Variants in EEF2K observed in about 807,000 individuals in gnomAD.
EEF2K encodes the protein alternative protein EEF2K.
EEF2K carries 70 observed loss-of-function variants against 93.8 expected under a neutral mutation model. The ratio of observed to expected loss-of-function variants is 0.75; its 90% CI spans 0.62 to 0.91. The LOEUF (loss-of-function observed/expected upper bound fraction) is 0.91, where lower values mean the gene tolerates loss of function less well. Ranked by LOEUF, EEF2K falls within the 40% of genes least tolerant of loss-of-function variation. The pLI, the probability that EEF2K is intolerant of heterozygous loss-of-function variation, is 0.00. For synonymous variants in EEF2K, 376 were observed against 380.8 expected, an observed-to-expected ratio of 0.99 and a Z score of 0.15; for missense variants, 935 against 972.9, an observed-to-expected ratio of 0.96 and a Z score of 0.52.
chr16:22,240,677 G>A lies in EEF2K; in HGVS notation c.247-3953G>A, dbSNP rs951861721. Among the ~76,000 whole-genome samples, 7 of 152,334 alleles carry A rather than the reference G, an allele frequency of 4.6e-5. No individual in the cohort carries two copies. In the East Asian group the frequency reaches 1.2e-3, roughly 25 times the overall value. ...GTTACCCCAGCCAGTCTGCACATAT[G>A]ACATGGAAAGATGTCCAAGATCTTA... On this transcript the variant is annotated intron_variant, in intron 2 of 17. Coordinates refer to ENST00000263026, the MANE Select transcript of EEF2K (RefSeq NM_013302.5).
At chr16:22,208,568 C>T (rs1185959722) in intron 1 of EEF2K, among the ~76,000 whole-genome samples, 1 of 152,014 alleles carries the variant, frequency 6.6e-6, no homozygotes, top group East Asian at 1.9e-4. Context: ...TTTTCTTGTG[C>T]TTTTTGTAAC....
chr16:22,237,946 G>T (rs1037072952), intron 2 of EEF2K, among the ~76,000 whole-genome samples: 1 of 152,094 alleles, frequency 6.6e-6, no homozygotes. Context: ...GTATCATAGT[G>T]TTTGTATTGT....
At chr16:22,229,759 G>T (rs547712960) in intron 2 of EEF2K, among the ~76,000 whole-genome samples, 17 of 152,102 alleles carry the variant, frequency 1.1e-4, no homozygotes, top group Admixed American at 8.5e-4. Context: ...ACTGGTGGGG[G>T]TAAAAAATCA....
rs531814359 is a variant in EEF2K, at chr16:22,229,627, G to A, written c.246+3652G>A. Among the ~76,000 whole-genome samples the A allele has an allele frequency of 2.0e-5, 3 of 152,272 alleles. No individual in the cohort carries two copies. In the South Asian group the frequency reaches 6.2e-4, roughly 32 times the overall value. On this transcript the variant is annotated intron_variant, in intron 2 of 17. Transcript: ENST00000263026. ...GAAGCATGAGAATCACTTGAACCCA[G>A]GAGGCGGAGGTTGCAGTGAGCCAAG...
chr16:22,261,675 G>A (rs1427552659), intron 11 of EEF2K, among the ~76,000 whole-genome samples: 1 of 149,330 alleles, frequency 6.7e-6, no homozygotes, highest in Non-Finnish European at 1.5e-5. Context: ...GGGCGACAGA[G>A]CGAGACTCAG....
chr16:22,283,555 C>G (rs2047719135), intron 17 of EEF2K, among the ~76,000 whole-genome samples: 1 of 152,168 alleles, frequency 6.6e-6, no homozygotes, highest in Non-Finnish European at 1.5e-5. Context: ...AATTAGTTCT[C>G]AGCCTGATTC....
chr16:22,284,027 C>G lies in EEF2K; in HGVS notation c.*31C>G, dbSNP rs745999997. The G allele has an allele frequency of 6.5e-7, 1 of 1,534,048 alleles. No individual in the cohort carries two copies. The highest frequency in any genetic ancestry group is 1.4e-5 in the African/African-American group (1 of 72,790). ...AAAATCACTGCCGGCTAGTCCCAAG[C>G]AAACGGGCTAGGAGGAAAGATTAAA... On this transcript the variant is annotated 3_prime_UTR_variant, in exon 18 of 18. Transcript: ENST00000263026.
Position 22,244,646 on chromosome 16 carries a change from C to T in EEF2K, c.263C>T (p.Ala88Val), listed in dbSNP as rs2047266551. The T allele has an allele frequency of 6.2e-7, 1 of 1,613,990 alleles. No individual in the cohort carries two copies. Among genetic ancestry groups the T allele is most frequent in the Non-Finnish European group, 8.5e-7 (1 of 1,179,922 alleles). ...SFHFKEAWKHAIQKAKHMPDP... is the reference protein window; with the variant it reads ...SFHFKEAWKHVIQKAKHMPDP... ...CTTCCACAGGAAGCCTGGAAGCACG[C>T]AATCCAGAAGGCCAAGCACATGCCC... The change falls in exon 3 of 18, where the codon GCA (alanine) becomes GTA (valine). Residue 88 changes from alanine to valine, a missense_variant. Coordinates refer to ENST00000263026, the MANE Select transcript of EEF2K (RefSeq NM_013302.5).
chr16:22,212,517 G>T (rs2046924561), intron 1 of EEF2K, among the ~76,000 whole-genome samples: 1 of 151,920 alleles, frequency 6.6e-6, no homozygotes, highest in Non-Finnish European at 1.5e-5. Context: ...TAGAGATGGG[G>T]TTTTCACCAT....
At chr16:22,251,438 A>C in intron 6 of EEF2K, 116 bp downstream of exon 6, 1 of 1,279,648 alleles carries the variant, frequency 7.8e-7, no homozygotes, top group South Asian at 1.6e-5. Flanking sequence ...TTTTGAGATG[A>C]AGTCTTGCTC....
chr16:22,262,612 C>T (rs531175250), intron 11 of EEF2K, among the ~76,000 whole-genome samples: 1 of 152,292 alleles, frequency 6.6e-6, no homozygotes, highest in African/African-American at 2.4e-5. Flanking sequence ...CTTAACCAGC[C>T]TTTGTTTTTC....
At chr16:22,241,660 A>G (rs964790059) in intron 2 of EEF2K, among the ~76,000 whole-genome samples, 1 of 150,128 alleles carries the variant, frequency 6.7e-6, no homozygotes, top group Non-Finnish European at 1.5e-5. Flanking sequence ...AAAAAAAAAA[A>G]AACATATAGA....
At chr16:22,230,248 CTG>C (rs1429751655) in intron 2 of EEF2K, among the ~76,000 whole-genome samples, 1 of 151,964 alleles carries the variant, frequency 6.6e-6, no homozygotes, top group Non-Finnish European at 1.5e-5. Context: ...GGGTCTCACT[CTG>C]TCGCCCAGGC....
At chr16:22,237,975 C>A (rs776408974) in intron 2 of EEF2K, among the ~76,000 whole-genome samples, 5 of 151,944 alleles carry the variant, frequency 3.3e-5, no homozygotes, top group African/African-American at 7.3e-5. Context: ...TTGCTTTTTT[C>A]CCCCCTAAAC....
At chr16:22,215,937 A>G (rs980557944) in intron 1 of EEF2K, among the ~76,000 whole-genome samples, 2 of 152,116 alleles carry the variant, frequency 1.3e-5, no homozygotes, top group South Asian at 4.1e-4. Context: ...AACAAAAGAA[A>G]CACTAAACAT....
Position 22,266,840 on chromosome 16 carries a change from G to C in EEF2K, c.1728G>C (p.Gln576His). Reference sequence around the variant, plus strand: ...TGGGCCTGGGACTCATGTACTCGCAGTTGCCTCATCACATCCTAGCCGATG... The same window carrying C: ...TGGGCCTGGGACTCATGTACTCGCACTTGCCTCATCACATCCTAGCCGATG... ...AIVGLGLMYSQLPHHILADVS... is the reference protein window; with the variant it reads ...AIVGLGLMYSHLPHHILADVS... The change falls in exon 15 of 18, where the codon CAG becomes CAC. Residue 576 changes from glutamine to histidine, a missense_variant. Transcript: ENST00000263026. 1 of 1,613,738 alleles carries C rather than the reference G, an allele frequency of 6.2e-7. No individual in the cohort carries two copies. Among genetic ancestry groups the C allele is most frequent in the Non-Finnish European group, 8.5e-7 (1 of 1,179,822 alleles).
Position 22,273,698 on chromosome 16 carries a change from A to C in EEF2K, c.1837A>C (p.Met613Leu). 1 of 1,614,182 alleles carries C rather than the reference A, an allele frequency of 6.2e-7. No individual in the cohort carries two copies. Among genetic ancestry groups the C allele is most frequent in the Non-Finnish European group, 8.5e-7 (1 of 1,180,028 alleles). The change falls in exon 16 of 18, where the codon ATG (methionine) becomes CTG (leucine). Residue 613 changes from methionine to leucine, a missense_variant. Met to Leu is a conservative substitution (Grantham distance 15). Coordinates refer to ENST00000263026, the MANE Select transcript of EEF2K (RefSeq NM_013302.5). Reference protein sequence around the residue: ...KAAEAGDRQSMILVARAFDSG... With the variant: ...KAAEAGDRQSLILVARAFDSG... ...CGCTGAAGCTGGCGACAGGCAGTCCATGATCCTAGTGGCGCGAGCTTTTGA... is the reference window on the plus strand; with the variant it reads ...CGCTGAAGCTGGCGACAGGCAGTCCCTGATCCTAGTGGCGCGAGCTTTTGA...
intron 10 of EEF2K, among the ~76,000 whole-genome samples, chr16:22,259,204 G>A (rs1199354525): frequency 6.6e-6 from 1 of 152,142 alleles, no homozygotes; most frequent in Non-Finnish European, 1.5e-5. Flanking sequence ...TGAAAGAGTG[G>A]AGTTTGCTGA....
chr16:22,256,060 C>T (rs28711620), intron 6 of EEF2K, among the ~76,000 whole-genome samples: 9,691 of 151,464 alleles, frequency 0.064, 1,013 homozygotes, highest in African/African-American at 0.22. Flanking sequence ...ATTTTTGGTA[C>T]GCACAAGCAC....
Sources: gnomAD v4.1 joint callset for allele counts (sites outside exome capture counted in the v4.1 genomes callset) on GRCh38, gnomAD v4.1.1 for gene constraint, MANE v1.5 for transcripts, NCBI Gene and HGNC (gene_info 2026-07-23, HGNC 2026-07-21) for gene names.